The following TENM2 variants were observed in gnomAD, a reference collection of about 807,000 sequenced individuals.
TENM2 encodes teneurin transmembrane protein 2.
In TENM2, 52 loss-of-function variants were observed where a neutral mutation model predicts 245.2. The ratio of observed to expected loss-of-function variants is 0.21; its 90% CI spans 0.17 to 0.27. TENM2 has a LOEUF of 0.27. TENM2 is among the 10% of genes least tolerant of loss of function. The probability of loss-of-function intolerance (pLI) is 1.00; values close to 1 mark genes in which losing one functional copy is unlikely to be tolerated. For synonymous variants in TENM2, 1,363 were observed against 1,438.9 expected, an observed-to-expected ratio of 0.95 and a Z score of 1.19; for missense variants, 3,046 against 3,666.8, an observed-to-expected ratio of 0.83 and a Z score of 4.37.
intron 2 of TENM2, among the ~76,000 whole-genome samples, chr5:167,561,236 G>T (rs541551051): frequency 1.3e-5 from 2 of 152,192 alleles, no homozygotes; most frequent in Admixed American, 6.5e-5. Flanking sequence ...CCTATTAAAG[G>T]TCATAAAACA....
At chr5:167,465,471 A>C (rs1766582657) in intron 2 of TENM2, among the ~76,000 whole-genome samples, 1 of 152,036 alleles carries the variant, frequency 6.6e-6, no homozygotes, top group Non-Finnish European at 1.5e-5. Context: ...TCTCACTGGG[A>C]CTCTCTATCC....
chr5:167,443,776 A>G (rs893729991), intron 2 of TENM2, among the ~76,000 whole-genome samples: 1 of 152,144 alleles, frequency 6.6e-6, no homozygotes, highest in African/African-American at 2.4e-5. Flanking sequence ...CTAATTTATT[A>G]TTAAAATAAT....
chr5:167,589,918 A>T (rs926301295), intron 2 of TENM2, among the ~76,000 whole-genome samples: 6 of 151,718 alleles, frequency 4.0e-5, no homozygotes, highest in African/African-American at 1.4e-4. Context: ...TATACAAACA[A>T]AAGTAAAATT....
At chr5:168,073,217 C>T (rs957021300) in intron 7 of TENM2, among the ~76,000 whole-genome samples, 1 of 152,170 alleles carries the variant, frequency 6.6e-6, no homozygotes, top group Non-Finnish European at 1.5e-5. Context: ...ATAACATGTT[C>T]AACAAATATC....
intron 13 of TENM2, among the ~76,000 whole-genome samples, chr5:168,178,252 T>C (rs1301652076): frequency 6.6e-6 from 1 of 152,198 alleles, no homozygotes; most frequent in Non-Finnish European, 1.5e-5. Context: ...CTGCCGGGCC[T>C]CGGCTGCACT....
At chr5:167,120,917 A>G in the TENM2 span, among the ~76,000 whole-genome samples, 1 of 152,202 alleles carries the variant, frequency 6.6e-6, no homozygotes. Context: ...GGCAGAGCAG[A>G]AGTACTTATG....
At chr5:167,643,494 T>C (rs1026455072) in intron 2 of TENM2, among the ~76,000 whole-genome samples, 4 of 152,162 alleles carry the variant, frequency 2.6e-5, no homozygotes, top group African/African-American at 9.7e-5. Context: ...TCCAACTGCT[T>C]CTGTTAAAAA....
chr5:167,048,801 T>C, the TENM2 span, among the ~76,000 whole-genome samples: 1 of 152,176 alleles, frequency 6.6e-6, no homozygotes, highest in Non-Finnish European at 1.5e-5. Context: ...AAATAAATCC[T>C]CCCAAGAAAA....
intron 3 of TENM2, among the ~76,000 whole-genome samples, chr5:167,926,718 CCACACACACACACACA>C (rs750351497): frequency 0.017 from 2,281 of 136,806 alleles, 62 homozygotes; most frequent in African/African-American, 0.057. Context: ...TGAGATTCCA[CCACACACACACACACA>C]CACACACACA....
At chr5:167,029,085 A>G in the TENM2 span, among the ~76,000 whole-genome samples, 1 of 152,220 alleles carries the variant, frequency 6.6e-6, no homozygotes, top group Non-Finnish European at 1.5e-5. Context: ...TTGATCAGTT[A>G]AACAACACTG....
chr5:168,055,932 C>T (rs1789506686), intron 6 of TENM2, among the ~76,000 whole-genome samples: 1 of 152,190 alleles, frequency 6.6e-6, no homozygotes, highest in Admixed American at 6.5e-5. Context: ...CTCAGAACTT[C>T]TCAATAGGAT....
At chr5:167,936,178 A>C (rs1301424207) in intron 3 of TENM2, among the ~76,000 whole-genome samples, 1 of 152,210 alleles carries the variant, frequency 6.6e-6, no homozygotes, top group Non-Finnish European at 1.5e-5. Context: ...ATCAACTAAT[A>C]ATCTTATTGT....
chr5:167,700,397 G>A (rs1758059628), intron 2 of TENM2, among the ~76,000 whole-genome samples: 1 of 152,280 alleles, frequency 6.6e-6, no homozygotes, highest in South Asian at 2.1e-4. Flanking sequence ...TTGGGCAGGG[G>A]CCTGCATGTT....
chr5:167,132,511 A>C, the TENM2 span, among the ~76,000 whole-genome samples: 1 of 152,112 alleles, frequency 6.6e-6, no homozygotes, highest in African/African-American at 2.4e-5. Flanking sequence ...CCTGAGAAGA[A>C]ATGAGAGAGT....
intron 2 of TENM2, among the ~76,000 whole-genome samples, chr5:167,743,369 C>G (rs1286943436): frequency 6.6e-6 from 1 of 152,020 alleles, no homozygotes; most frequent in Non-Finnish European, 1.5e-5. Context: ...AGTGACTGGG[C>G]AAGACATCAT....
intron 2 of TENM2, among the ~76,000 whole-genome samples, chr5:167,703,246 A>G (rs566451658): frequency 1.3e-5 from 2 of 152,290 alleles, no homozygotes; most frequent in South Asian, 4.1e-4. Flanking sequence ...AAAAGACTAC[A>G]TTAAGCCAGA....
chr5:167,997,070 T>C (rs1436932041), intron 5 of TENM2, among the ~76,000 whole-genome samples: 1 of 152,108 alleles, frequency 6.6e-6, no homozygotes, highest in Non-Finnish European at 1.5e-5. Context: ...ACTATTCAAT[T>C]TGAATCATAT....
intron 27 of TENM2, among the ~76,000 whole-genome samples, 162 bp downstream of exon 29, chr5:168,248,533 G>C (rs1180683612): frequency 6.6e-6 from 1 of 152,212 alleles, no homozygotes; most frequent in East Asian, 1.9e-4. Flanking sequence ...GAAAAGTAGA[G>C]AGACGGCAGT....
the TENM2 span, among the ~76,000 whole-genome samples, chr5:167,006,463 A>G: frequency 6.6e-6 from 1 of 152,192 alleles, no homozygotes; most frequent in Non-Finnish European, 1.5e-5. Context: ...AGAAAAGTAA[A>G]AAGAAGAAAC....
Sources: allele counts gnomAD v4.1 joint callset (sites outside exome capture counted in the v4.1 genomes callset), GRCh38; gene constraint gnomAD v4.1.1; transcripts MANE v1.5; gene names NCBI Gene and HGNC (gene_info 2026-07-23, HGNC 2026-07-21).